KLF16: variants seen among roughly 807,000 people sequenced by gnomAD.
The protein encoded by KLF16 is Krueppel-like factor 16.
In KLF16, 6 loss-of-function variants were observed where a neutral mutation model predicts 6.1. The observed-to-expected ratio is 0.98, with a 90% CI of 0.54 to 1.93. The LOEUF is 1.93. KLF16 is among the 30% of genes most tolerant of loss of function. The pLI, the probability that KLF16 is intolerant of heterozygous loss-of-function variation, is 0.01. For missense variants in KLF16, 355 were observed against 363.8 expected (o/e 0.98, Z 0.20); for synonymous variants, 211 against 176.5 (o/e 1.20, Z -1.55).
At chr19:1,862,742 C>T (rs996351936) in intron 1 of KLF16, 9 of 360,642 alleles carry the variant, frequency 2.5e-5, no homozygotes, top group East Asian at 3.9e-5. Flanking sequence ...GGAACAAGGC[C>T]CAGAAAGGGA....
chr19:1,874,309 T>A, the KLF16 span, among the ~76,000 whole-genome samples: 2 of 152,086 alleles, frequency 1.3e-5, no homozygotes, highest in Admixed American at 6.5e-5. Flanking sequence ...TCTGGAAAAC[T>A]GGGATAAGAG....
the KLF16 span, among the ~76,000 whole-genome samples, chr19:1,871,229 C>T: frequency 1.4e-4 from 21 of 152,304 alleles, no homozygotes; most frequent in African/African-American, 4.8e-4. Flanking sequence ...CCTCAATTCT[C>T]CGTGTGTTGT....
chr19:1,862,032 G>C (rs1156263747), intron 1 of KLF16: 1 of 152,230 alleles, frequency 6.6e-6, no homozygotes, highest in Non-Finnish European at 1.5e-5. Flanking sequence ...ATCGGGTAGA[G>C]GTCTTCTGTT....
rs1279485565 is a variant in KLF16, at chr19:1,854,119, C to A, written c.*340G>T. 5 of 268,028 alleles carry A rather than the reference C, an allele frequency of 1.9e-5. No homozygotes were observed. Among genetic ancestry groups the A allele is most frequent in the South Asian group, 1.3e-4 (1 of 7,808 alleles). The allele number at this position is 268,028 out of a possible 1,614,324, so 16.6% of individuals were successfully genotyped here. A position where few individuals can be genotyped will look rare whatever the true frequency, so the allele number is the denominator to read the frequency against. ...GCCGGCTCCCAGAAGTCCACTCCACCCCCCCAAACCCCACCCCGGGAGGGG... is the reference window on the plus strand; with the variant it reads ...GCCGGCTCCCAGAAGTCCACTCCACACCCCCAAACCCCACCCCGGGAGGGG... On this transcript the variant is annotated 3_prime_UTR_variant, in exon 2 of 2. Transcript: ENST00000250916.
the KLF16 span, among the ~76,000 whole-genome samples, chr19:1,874,260 G>C: frequency 2.0e-5 from 3 of 152,182 alleles, no homozygotes; most frequent in South Asian, 6.2e-4. Context: ...ATGCAAGGAG[G>C]AGGGGCCTCC....
At position 1,863,223 on chromosome 19, in the gene KLF16, C is replaced by A. The variant is rs1267952698; in HGVS notation, c.275G>T (p.Gly92Val). 9.1e-6 allele frequency: 10 copies of A among 1,104,260 alleles called. No individual in the cohort carries two copies. The highest frequency in any genetic ancestry group is 1.1e-5 in the Non-Finnish European group (10 of 902,986). The allele number at this position is 1,104,260 out of a possible 1,614,324, so 68.4% of individuals were successfully genotyped here. A position where few individuals can be genotyped will look rare whatever the true frequency, so the allele number is the denominator to read the frequency against. The change falls in exon 1 of 2, where the codon GGA becomes GTA. Residue 92 changes from glycine (G) to valine (V), a missense_variant. By Grantham distance (109) the Gly-to-Val change is moderately radical (BLOSUM62 -3). Coordinates refer to ENST00000250916, the MANE Select transcript of KLF16 (RefSeq NM_031918.4). ...GGGCGAGGCGCCCCCCGGGGCGGCT[C>A]CGGGTCCGCCGCGCAGGTCGGCCAG... is the stretch of plus-strand genomic sequence containing the variant. The part of the protein sequence containing the change: ...SILADLRGGP[G>V]AAPGGASPAS...
chr19:1,860,776 C>A (rs1352201230), intron 1 of KLF16, among the ~76,000 whole-genome samples: 1 of 152,218 alleles, frequency 6.6e-6, no homozygotes, highest in Non-Finnish European at 1.5e-5. Context: ...CTAAAAGAGG[C>A]CGTTTACACA....
chr19:1,874,087 T>C, the KLF16 span, among the ~76,000 whole-genome samples: 1 of 152,184 alleles, frequency 6.6e-6, no homozygotes, highest in Non-Finnish European at 1.5e-5. Context: ...TAGTACCACA[T>C]GGATCAGATG....
At chr19:1,875,619 G>A in the KLF16 span, 11 of 152,376 alleles carry the variant, frequency 7.2e-5, no homozygotes, top group East Asian at 2.1e-3. Flanking sequence ...CTTTGCACTG[G>A]AGGCAATGAA....
chr19:1,873,692 A>G, the KLF16 span, among the ~76,000 whole-genome samples: 2 of 152,242 alleles, frequency 1.3e-5, no homozygotes, highest in Admixed American at 1.3e-4. Flanking sequence ...GGCCATACCA[A>G]GTGGGAGGTG....
At chr19:1,865,287 G>T (rs553973797), upstream of KLF16, among the ~76,000 whole-genome samples, 7 of 152,244 alleles carry the variant, frequency 4.6e-5, no homozygotes, top group South Asian at 1.0e-3. Context: ...GGCGCTGGGG[G>T]TCGGCGTTCC....
rs951921141 is a variant in KLF16, at chr19:1,852,813, G to C, written c.*1646C>G. 4 of 152,152 alleles carry C rather than the reference G, an allele frequency of 2.6e-5. No homozygotes were observed. The highest frequency in any genetic ancestry group is 9.7e-5 in the African/African-American group (4 of 41,338). The allele number at this position is 152,152 out of a possible 1,614,324, so 9.4% of individuals were successfully genotyped here. A position where few individuals can be genotyped will look rare whatever the true frequency, so the allele number is the denominator to read the frequency against. Reference sequence around the variant, plus strand: ...ACACAGAGAGCCGAGGGCTGGATGGGGCAGGACCCTCCGAGCCCAGCTCCA... The same window carrying C: ...ACACAGAGAGCCGAGGGCTGGATGGCGCAGGACCCTCCGAGCCCAGCTCCA... On this transcript the variant is annotated 3_prime_UTR_variant, in exon 2 of 2. Transcript: ENST00000250916.
At chr19:1,864,060 C>A (rs2012138418), upstream of KLF16, among the ~76,000 whole-genome samples, 1 of 148,418 alleles carries the variant, frequency 6.7e-6, no homozygotes, top group Admixed American at 6.6e-5. Flanking sequence ...CCGCCCCATC[C>A]CGGCACGCCC....
At chr19:1,862,733 G>C in intron 1 of KLF16, 1 of 348,332 alleles carries the variant, frequency 2.9e-6, no homozygotes, top group Non-Finnish European at 5.1e-6. Context: ...AAAAAAAACG[G>C]AACAAGGCCC....
the KLF16 span, among the ~76,000 whole-genome samples, chr19:1,869,871 CCAAAGTGCTAGGACTA>C: frequency 6.6e-6 from 1 of 152,164 alleles, no homozygotes; most frequent in Admixed American, 6.5e-5. Flanking sequence ...CTTTGGCCTC[CCAAAGTGCTAGGACTA>C]CAGGCGTGAG....
chr19:1,873,944 A>T, the KLF16 span, among the ~76,000 whole-genome samples: 1 of 152,250 alleles, frequency 6.6e-6, no homozygotes, highest in Non-Finnish European at 1.5e-5. Flanking sequence ...AGTTCGCAGC[A>T]GCTTGAGAAT....
In KLF16 at chr19:1,863,068, G is replaced by A. The variant is rs1798846290; in HGVS notation, c.430C>T (p.Leu144=). Residue 144 remains leucine (L), a synonymous_variant, in exon 1 of 2, where the codon CTA becomes TTA. Transcript: ENST00000250916. ...GTGTGCGTCCGCAGGTGCGACTTTA[G>A]GTGCGAGGACTTGTAGTAGGCTTTG... is the stretch of plus-strand genomic sequence containing the variant. ...CAKAYYKSSH[L]KSHLRTHTGE... 1 of 1,414,082 alleles carries A rather than the reference G, an allele frequency of 7.1e-7. No homozygotes were observed. Among genetic ancestry groups the A allele is most frequent in the Non-Finnish European group, 9.4e-7 (1 of 1,065,882 alleles). 87.6% of individuals were successfully genotyped at this position (1,414,082 alleles called of 1,614,324 possible). A position where few individuals can be genotyped will look rare whatever the true frequency, so the allele number is the denominator to read the frequency against.
intron 1 of KLF16, among the ~76,000 whole-genome samples, chr19:1,858,472 C>T (rs2011998329): frequency 6.6e-6 from 1 of 152,176 alleles, no homozygotes; most frequent in Non-Finnish European, 1.5e-5. Context: ...TGCACCCCTG[C>T]ACTCCAGTGG....
the KLF16 span, among the ~76,000 whole-genome samples, chr19:1,873,610 A>G: frequency 5.1e-4 from 78 of 152,352 alleles, no homozygotes; most frequent in Middle Eastern, 3.4e-3. Flanking sequence ...CAGGGCTTGA[A>G]CAAGTGTGTC....
Sources: gnomAD v4.1 joint callset for allele counts (sites outside exome capture counted in the v4.1 genomes callset) on GRCh38, gnomAD v4.1.1 for gene constraint, MANE v1.5 for transcripts, NCBI Gene and HGNC (gene_info 2026-07-23, HGNC 2026-07-21) for gene names.